SLX9: variants seen among roughly 807,000 people sequenced by gnomAD.
SLX9 encodes ribosome biogenesis protein SLX9 homolog.
SLX9 carries 19 observed loss-of-function variants against 20.8 expected under a neutral mutation model. That is an observed-to-expected ratio of 0.91 (90% CI 0.64 to 1.34). SLX9 has a LOEUF of 1.34. SLX9 is among the 40% of genes most tolerant of loss of function. The pLI is 0.00. For synonymous variants in SLX9, 113 were observed against 137.1 expected (o/e 0.82, Z 1.23); for missense variants, 299 against 322.2 (o/e 0.93, Z 0.55).
At position 44,946,349 on chromosome 21, in the gene SLX9, G is replaced by A. The variant is rs533845614; in HGVS notation, c.283+2512G>A. On this transcript the variant is annotated intron_variant, in intron 2 of 5. Transcript: ENST00000291634. Reference sequence around the variant, plus strand: ...TCTGGCGCTCCCCAGCCCTGAGCTCGTGCTGACAGTAGCGTGGCCCGTTCT... The same window carrying A: ...TCTGGCGCTCCCCAGCCCTGAGCTCATGCTGACAGTAGCGTGGCCCGTTCT... 6.6e-5 allele frequency among the ~76,000 whole-genome samples: 10 copies of A among 152,280 alleles called. No individual in the cohort carries two copies. In the South Asian group the frequency reaches 1.9e-3, roughly 28 times the overall value.
rs377579517 is a variant in SLX9, at chr21:44,975,215, C to T, written c.570-1465C>T. Among the ~76,000 whole-genome samples, 45 of 152,328 alleles carry T rather than the reference C, an allele frequency of 3.0e-4. No individual in the cohort carries two copies. In the South Asian group the frequency reaches 8.9e-3, roughly 30 times the overall value. On this transcript the variant is annotated intron_variant, in intron 5 of 5. Coordinates refer to ENST00000291634, the MANE Select transcript of SLX9 (RefSeq NM_058190.4). ...CCCAGTGGGAAGCAAGAGTGTTCCCCTCCCTGGGTCATGCTCCCCTGGGGG... is the reference window on the plus strand; with the variant it reads ...CCCAGTGGGAAGCAAGAGTGTTCCCTTCCCTGGGTCATGCTCCCCTGGGGG...
chr21:44,973,294 G>T (rs770954813), intron 5 of SLX9, 29 bp downstream of exon 5: 7 of 1,609,816 alleles, frequency 4.3e-6, no homozygotes, highest in Non-Finnish European at 5.1e-6. Flanking sequence ...CTCCTCAGGG[G>T]TTCAGCTCCT....
intron 1 of SLX9, among the ~76,000 whole-genome samples, chr21:44,940,942 C>T (rs372058187): frequency 6.6e-6 from 1 of 152,298 alleles, no homozygotes; most frequent in East Asian, 1.9e-4. Flanking sequence ...CTCAGTTTTT[C>T]TCTTTTCTTC....
Position 44,960,158 on chromosome 21 carries a change from A to T in SLX9, c.342A>T (p.Gln114His). 1 of 1,614,198 alleles carries T rather than the reference A, an allele frequency of 6.2e-7. No individual in the cohort carries two copies. Among genetic ancestry groups the T allele is most frequent in the Non-Finnish European group, 8.5e-7 (1 of 1,180,026 alleles). ...AGAAAATGAAGCTGAGGCGTGAGCA[A>T]TGGTTGCAGAGTAAGTCCATGCCTG... ...KKEKMKLRRE[Q>H]WLQKIEAIKL... Residue 114 changes from glutamine to histidine, a missense_variant, in exon 3 of 6, where the codon CAA (glutamine) becomes CAT (histidine). Gln to His is a conservative substitution (Grantham distance 24). Coordinates refer to ENST00000291634, the MANE Select transcript of SLX9 (RefSeq NM_058190.4).
chr21:44,941,784 A>G (rs535620461), intron 1 of SLX9, among the ~76,000 whole-genome samples: 81 of 152,258 alleles, frequency 5.3e-4, no homozygotes, highest in Non-Finnish European at 9.3e-4. Flanking sequence ...AGAGGGGCTT[A>G]CTGTCTACCC....
At chr21:44,960,632 G>A (rs946112431) in intron 3 of SLX9, among the ~76,000 whole-genome samples, 13 of 152,274 alleles carry the variant, frequency 8.5e-5, no homozygotes, top group African/African-American at 3.1e-4. Context: ...TGCCCGCGGT[G>A]AAAACAGTGT....
At chr21:44,946,672 C>T (rs2084648341) in intron 2 of SLX9, among the ~76,000 whole-genome samples, 1 of 152,234 alleles carries the variant, frequency 6.6e-6, no homozygotes, top group African/African-American at 2.4e-5. Flanking sequence ...GTTCTGAGCT[C>T]ATCGCCGCGG....
chr21:44,957,387 G>C (rs2084877577), intron 2 of SLX9, among the ~76,000 whole-genome samples: 1 of 152,214 alleles, frequency 6.6e-6, no homozygotes, highest in Non-Finnish European at 1.5e-5. Context: ...CCTCTATGCA[G>C]ATCGCTCCGT....
intron 2 of SLX9, among the ~76,000 whole-genome samples, chr21:44,950,676 T>G (rs4818995): frequency 6.6e-6 from 1 of 152,188 alleles, no homozygotes. Flanking sequence ...CTCAGGCCCA[T>G]GGTCACGCAG....
intron 2 of SLX9, among the ~76,000 whole-genome samples, chr21:44,958,755 C>T (rs919730646): frequency 4.6e-5 from 7 of 152,244 alleles, no homozygotes; most frequent in Non-Finnish European, 1.0e-4. Flanking sequence ...TGCAGCATTC[C>T]AAGCCCTCTC....
chr21:44,948,602 T>C (rs2084694255), intron 2 of SLX9, among the ~76,000 whole-genome samples: 2 of 152,044 alleles, frequency 1.3e-5, no homozygotes, highest in Non-Finnish European at 2.9e-5. Flanking sequence ...TGGGGGCCCC[T>C]GGAGCAGAGG....
At chr21:44,942,680 G>A (rs1415979230) in intron 1 of SLX9, among the ~76,000 whole-genome samples, 1 of 152,234 alleles carries the variant, frequency 6.6e-6, no homozygotes, top group African/African-American at 2.4e-5. Context: ...TGACATGGGA[G>A]CCTTATAAGG....
chr21:44,964,104 C>G (rs985740279), intron 3 of SLX9, among the ~76,000 whole-genome samples: 1 of 152,194 alleles, frequency 6.6e-6, no homozygotes, highest in African/African-American at 2.4e-5. Context: ...GTGTAGAGAT[C>G]TTACATCTTA....
chr21:44,969,194 G>T (rs1411025785), intron 4 of SLX9: 4 of 470,162 alleles, frequency 8.5e-6, no homozygotes, highest in Non-Finnish European at 1.8e-5. Context: ...CAGGTCACGC[G>T]CTGCAGGCCC....
chr21:44,950,010 C>T (rs573562735), intron 2 of SLX9, among the ~76,000 whole-genome samples: 56 of 152,304 alleles, frequency 3.7e-4, no homozygotes, highest in African/African-American at 1.3e-3. Context: ...GACGCAGGCT[C>T]TCCCTCCTGC....
chr21:44,971,979 G>A (rs1263009676), intron 4 of SLX9, among the ~76,000 whole-genome samples: 1 of 152,192 alleles, frequency 6.6e-6, no homozygotes, highest in Non-Finnish European at 1.5e-5. Flanking sequence ...GAAGGGATGG[G>A]GACTGATTCC....
rs1052066487 is a variant in SLX9 at position 44,952,465 on chromosome 21, G to A, written c.284-7635G>A. Among the ~76,000 whole-genome samples, 3 of 152,364 alleles carry A rather than the reference G, an allele frequency of 2.0e-5. No homozygotes were observed. The Middle Eastern group carries it at 0.01, about 518-fold the overall frequency. On this transcript the variant is annotated intron_variant, in intron 2 of 5. Coordinates refer to ENST00000291634, the MANE Select transcript of SLX9 (RefSeq NM_058190.4). Reference sequence around the variant, plus strand: ...CTTGGGCCTGGCCTGGGGATTCCCGGGGCCGCCTTCCATCACCAGAAGGTT... The same window carrying A: ...CTTGGGCCTGGCCTGGGGATTCCCGAGGCCGCCTTCCATCACCAGAAGGTT...
In SLX9 at chr21:44,973,275, C is replaced by T. The variant is rs749291780; in HGVS notation, c.569+10C>T. ...AGAGACAGCAGCTTCTGTGAGTGCA[C>T]CTGCCCACCTCCTCAGGGGTTCAGC... On this transcript the variant is annotated intron_variant, in intron 5 of 5. Coordinates refer to ENST00000291634, the MANE Select transcript of SLX9 (RefSeq NM_058190.4). 101 of 1,611,528 alleles carry T rather than the reference C, an allele frequency of 6.3e-5. 1 individual carries two copies. In the Middle Eastern group the frequency reaches 8.2e-4, roughly 13 times the overall value.
At position 44,976,833 on chromosome 21, in the gene SLX9, A is replaced by G; in HGVS notation, c.*30A>G. The stretch of plus-strand genomic sequence containing the variant: ...GGCAGCGGGCATGCCACAACTCCTC[A>G]GGACACATGTGGGCCAAGTAGAGAG... On this transcript the variant is annotated 3_prime_UTR_variant, in exon 6 of 6. Coordinates refer to ENST00000291634, the MANE Select transcript of SLX9 (RefSeq NM_058190.4). The G allele has an allele frequency of 1.9e-6, 3 of 1,540,274 alleles. No homozygotes were observed. The highest frequency in any genetic ancestry group is 2.6e-6 in the Non-Finnish European group (3 of 1,148,328).
Sources: gnomAD v4.1 joint callset for allele counts (sites outside exome capture counted in the v4.1 genomes callset) on GRCh38, gnomAD v4.1.1 for gene constraint, MANE v1.5 for transcripts, NCBI Gene and HGNC (gene_info 2026-07-23, HGNC 2026-07-21) for gene names.